SLC35B3: variants seen among roughly 807,000 people sequenced by gnomAD.
SLC35B3 encodes the protein solute carrier family 35 member B3, also known as adenosine 3'-phospho 5'-phosphosulfate transporter 2.
In SLC35B3, 35 loss-of-function variants were observed where a neutral mutation model predicts 44.1. That is an observed-to-expected ratio of 0.79 (90% CI 0.61 to 1.05). SLC35B3 has a LOEUF of 1.05. Among genes scored for constraint, SLC35B3 ranks in the 50% least tolerant of loss-of-function variants. SLC35B3 has a pLI of 0.00. For synonymous variants in SLC35B3, 146 were observed against 167.3 expected, an observed-to-expected ratio of 0.87 and a Z score of 0.98; for missense variants, 414 against 476.4, an observed-to-expected ratio of 0.87 and a Z score of 1.22.
chr6:8,419,713 C>A lies in SLC35B3; in HGVS notation c.683-36G>T. The A allele has an allele frequency of 8.1e-7, 1 of 1,230,302 alleles. No individual in the cohort carries two copies. Among genetic ancestry groups the A allele is most frequent in the Non-Finnish European group, 1.1e-6 (1 of 889,888 alleles). The allele number at this position is 1,230,302 out of a possible 1,614,324, so 76.2% of individuals were successfully genotyped here. A position where few individuals can be genotyped will look rare whatever the true frequency, so the allele number is the denominator to read the frequency against. ...GTATTAAAAAAACAAACAAAAAAAC[C>A]CTCCTTATTTAAACATATGAACTAT... On this transcript the variant is annotated intron_variant, in intron 6 of 10. Transcript: ENST00000644923. The surrounding 1 kb of genome is among the most constrained non-coding windows in gnomAD (Gnocchi z 4.3).
rs1762077661 is a variant in SLC35B3, at chr6:8,412,018, C to T, written c.*1531G>A. 6.6e-6 allele frequency among the ~76,000 whole-genome samples: 1 copy of T among 152,140 alleles called. No homozygotes were observed. Among genetic ancestry groups the T allele is most frequent in the African/African-American group, 2.4e-5 (1 of 41,432 alleles). ...AGATTCATTTGTTGAAATCCTAACT[C>T]CCAAAGTGATTGTATTAAGTGGTGG... On this transcript the variant is annotated 3_prime_UTR_variant, in exon 11 of 11. Transcript: ENST00000644923.
rs1481841094 is a variant in SLC35B3, at chr6:8,433,629, G to C, written c.3+756C>G. On this transcript the variant is annotated intron_variant, in intron 2 of 10. Coordinates refer to ENST00000644923, the MANE Select transcript of SLC35B3 (RefSeq NM_001370476.2). The surrounding 1 kb of genome is among the most constrained non-coding windows in gnomAD (Gnocchi z 4.1). Reference sequence around the variant, plus strand: ...CTCTCTAGCACTGTCTTTTCTACATGTATGCCAAAATACCGACATTGCTAC... The same window carrying C: ...CTCTCTAGCACTGTCTTTTCTACATCTATGCCAAAATACCGACATTGCTAC... Among the ~76,000 whole-genome samples the C allele has an allele frequency of 1.3e-5, 2 of 152,102 alleles. No homozygotes were observed. Among genetic ancestry groups the C allele is most frequent in the African/African-American group, 4.8e-5 (2 of 41,422 alleles).
In SLC35B3 at chr6:8,434,117, C is replaced by A. The variant is rs754798229; in HGVS notation, c.3+268G>T. 2.6e-5 allele frequency among the ~76,000 whole-genome samples: 4 copies of A among 151,540 alleles called. No homozygotes were observed. Among genetic ancestry groups the A allele is most frequent in the Non-Finnish European group, 5.9e-5 (4 of 67,962 alleles). ...TAAATTCAACACAGATATTCAACTTCAACTGCTAAAATGGAATAAAAAGGT... is the reference window on the plus strand; with the variant it reads ...TAAATTCAACACAGATATTCAACTTAAACTGCTAAAATGGAATAAAAAGGT... On this transcript the variant is annotated intron_variant, in intron 2 of 10. Transcript: ENST00000644923. This position sits in a 1 kb window ranked among gnomAD's most constrained non-coding sequence, Gnocchi z 6.3.
At chr6:8,429,821 TATTATAAATAATTA>T in intron 3 of SLC35B3, 29 bp downstream of exon 2, 1 of 1,392,122 alleles carries the variant, frequency 7.2e-7, no homozygotes, top group Non-Finnish European at 9.8e-7. Flanking sequence ...TGACCGCAAT[TATTATAAATAATTA>T]ACATATTACA....
chr6:8,416,635 G>A (rs562073537), intron 9 of SLC35B3, among the ~76,000 whole-genome samples: 4 of 152,162 alleles, frequency 2.6e-5, no homozygotes, highest in East Asian at 1.9e-4. Context: ...CTTTTAATGC[G>A]TTTAAGGGTT....
intron 4 of SLC35B3, among the ~76,000 whole-genome samples, chr6:8,426,398 T>G (rs1393590520): frequency 6.6e-6 from 1 of 152,214 alleles, no homozygotes; most frequent in Non-Finnish European, 1.5e-5. Context: ...ACTCCCATAA[T>G]TTTCATCTGT....
intron 4 of SLC35B3, 136 bp downstream of exon 3, chr6:8,427,801 G>T: frequency 6.3e-6 from 4 of 635,656 alleles, no homozygotes; most frequent in Admixed American, 5.8e-5. Flanking sequence ...AATGTATTTA[G>T]TATTAAGTTA....
At position 8,411,682 on chromosome 6, in the gene SLC35B3, G is replaced by C. The variant is rs1762070390; in HGVS notation, c.*1867C>G. 6.6e-6 allele frequency among the ~76,000 whole-genome samples: 1 copy of C among 152,136 alleles called. No individual in the cohort carries two copies. The highest frequency in any genetic ancestry group is 2.1e-4 in the South Asian group (1 of 4,826). On this transcript the variant is annotated 3_prime_UTR_variant, in exon 11 of 11. Coordinates refer to ENST00000644923, the MANE Select transcript of SLC35B3 (RefSeq NM_001370476.2). ...AATTCCTCATGCTGGACCCCTCCAT[G>C]ATACAGGCTCTGTTGTACCTGCATA... is the stretch of plus-strand genomic sequence containing the variant.
intron 5 of SLC35B3, 138 bp downstream of exon 4, chr6:8,422,332 T>G (rs1227011130): frequency 2.7e-6 from 2 of 728,054 alleles, no homozygotes; most frequent in South Asian, 1.8e-5. Context: ...CTTATTTTGG[T>G]AAGACATAAT....
chr6:8,428,199 GCT>G (rs1316085203), intron 3 of SLC35B3, 141 bp from the exon 3 acceptor site: 8 of 716,224 alleles, frequency 1.1e-5, no homozygotes, highest in Non-Finnish European at 1.4e-5. Flanking sequence ...GAGGTTAGAA[GCT>G]CTTTCATATT....
chr6:8,435,454 C>A lies in SLC35B3; in HGVS notation c.-155G>T. The A allele has an allele frequency of 8.4e-7, 1 of 1,197,322 alleles. No individual in the cohort carries two copies. Among genetic ancestry groups the A allele is most frequent in the Non-Finnish European group, 1.1e-6 (1 of 907,982 alleles). The allele number at this position is 1,197,322 out of a possible 1,614,324, so 74.2% of individuals were successfully genotyped here. ...TCGCCATCACCTCCTCTTCCTCCTC[C>A]TCCTCGCCCACTCCTGCACTTTCCA... On this transcript the variant is annotated 5_prime_UTR_variant, in exon 1 of 11. In the 5' UTR this introduces an upstream ATG that the reference lacks. Transcript: ENST00000644923. The surrounding 1 kb of genome is among the most constrained non-coding windows in gnomAD (Gnocchi z 5.5).
At chr6:8,422,219 G>T (rs1396137090) in intron 5 of SLC35B3, among the ~76,000 whole-genome samples, 1 of 152,128 alleles carries the variant, frequency 6.6e-6, no homozygotes, top group Non-Finnish European at 1.5e-5. Context: ...TGGCCAGGCT[G>T]GTCTCGAACT....
chr6:8,413,479 G>A lies in SLC35B3; in HGVS notation c.*70C>T. ...CCTCCAGATCCTTTGGTTTTTATCAGTCCCTTTGGAAAGTTAATTAATTGA... is the reference window on the plus strand; with the variant it reads ...CCTCCAGATCCTTTGGTTTTTATCAATCCCTTTGGAAAGTTAATTAATTGA... On this transcript the variant is annotated 3_prime_UTR_variant, in exon 11 of 11. Coordinates refer to ENST00000644923, the MANE Select transcript of SLC35B3 (RefSeq NM_001370476.2). 7.2e-7 allele frequency: 1 copy of A among 1,385,996 alleles called. No homozygotes were observed. The allele number at this position is 1,385,996 out of a possible 1,614,324, so 85.9% of individuals were successfully genotyped here. A position where few individuals can be genotyped will look rare whatever the true frequency, so the allele number is the denominator to read the frequency against.
chr6:8,431,186 G>T (rs190224711), intron 2 of SLC35B3, among the ~76,000 whole-genome samples: 4 of 152,098 alleles, frequency 2.6e-5, no homozygotes, highest in Non-Finnish European at 4.4e-5. Context: ...AAAGACTGAG[G>T]AAAGACTGAA....
At chr6:8,421,051 A>G (rs1407657670) in intron 5 of SLC35B3, among the ~76,000 whole-genome samples, 1 of 152,218 alleles carries the variant, frequency 6.6e-6, no homozygotes, top group African/African-American at 2.4e-5. Flanking sequence ...TTTATCTGGT[A>G]TAATAGTGAC....
chr6:8,413,898 G>C (rs1182672167), intron 10 of SLC35B3, among the ~76,000 whole-genome samples, 199 bp from the exon 10 acceptor site: 2 of 152,034 alleles, frequency 1.3e-5, no homozygotes, highest in African/African-American at 4.8e-5. Context: ...ATAATGCATT[G>C]AGTAGATATA....
chr6:8,416,238 G>A (rs145175817), intron 9 of SLC35B3, among the ~76,000 whole-genome samples: 155 of 152,236 alleles, frequency 1.0e-3, no homozygotes, highest in African/African-American at 3.0e-3. Flanking sequence ...TTTCTTTTAC[G>A]TGAGAGAGGA....
intron 7 of SLC35B3, among the ~76,000 whole-genome samples, chr6:8,418,387 T>C (rs1204919875): frequency 6.6e-6 from 1 of 151,998 alleles, no homozygotes; most frequent in Non-Finnish European, 1.5e-5. Context: ...GTCAAGAAAA[T>C]AACAGGAAAG....
rs1380308686 is a variant in SLC35B3 at position 8,419,069 on chromosome 6, A to G, written c.780+511T>C. 2.6e-5 allele frequency among the ~76,000 whole-genome samples: 4 copies of G among 152,120 alleles called. No individual in the cohort carries two copies. Among genetic ancestry groups the G allele is most frequent in the Non-Finnish European group, 5.9e-5 (4 of 67,954 alleles). ...GAAAGTGGATTATTCAATAAATGAT[A>G]TTAGAAAAAATGGTAGTCATTTGAA... On this transcript the variant is annotated intron_variant, in intron 7 of 10. Transcript: ENST00000644923. This position sits in a 1 kb window ranked among gnomAD's most constrained non-coding sequence, Gnocchi z 4.3.
Sources: gnomAD v4.1 joint callset for allele counts (sites outside exome capture counted in the v4.1 genomes callset) on GRCh38, gnomAD v4.1.1 for gene constraint, Gnocchi (gnomAD v3.1) non-coding constraint, MANE v1.5 for transcripts, NCBI Gene and HGNC (gene_info 2026-07-23, HGNC 2026-07-21) for gene names.